The following C12orf42 variants were observed in gnomAD, a reference collection of about 807,000 sequenced individuals.
The protein encoded by C12orf42 is uncharacterized protein C12orf42.
Under a neutral mutation model 21.6 loss-of-function variants are expected in C12orf42, and 25 were observed. That is an observed-to-expected ratio of 1.16 (90% CI 0.84 to 1.62). The LOEUF (loss-of-function observed/expected upper bound fraction) is 1.62, where lower values mean the gene tolerates loss of function less well. Ranked by LOEUF, C12orf42 falls within the 40% of genes most tolerant of loss-of-function variation. C12orf42 has a pLI of 0.00. For synonymous variants in C12orf42, 174 were observed against 175.0 expected, an observed-to-expected ratio of 0.99 and a Z score of 0.05; for missense variants, 483 against 459.3, an observed-to-expected ratio of 1.05 and a Z score of -0.47.
At chr12:103,364,265 C>T (rs935931550) in intron 4 of C12orf42, among the ~76,000 whole-genome samples, 5 of 151,834 alleles carry the variant, frequency 3.3e-5, no homozygotes, top group Non-Finnish European at 5.9e-5. Flanking sequence ...ACAACGAAAT[C>T]GATAGAAATT....
downstream of C12orf42, among the ~76,000 whole-genome samples, chr12:103,264,762 T>C (rs7305590): frequency 0.29 from 44,808 of 151,962 alleles, 6,828 homozygotes; most frequent in East Asian, 0.52. Context: ...TATTTATAAC[T>C]CCAAAAGTAA....
chr12:103,436,230 C>T (rs1290178178), intron 2 of C12orf42, among the ~76,000 whole-genome samples: 1 of 149,522 alleles, frequency 6.7e-6, no homozygotes, highest in Non-Finnish European at 1.5e-5. Context: ...CAGGCCTGCC[C>T]TAAAAGAGCT....
At chr12:103,332,877 T>A (rs2041364549) in intron 4 of C12orf42, among the ~76,000 whole-genome samples, 1 of 152,342 alleles carries the variant, frequency 6.6e-6, no homozygotes, top group South Asian at 2.1e-4. Context: ...AAAAGTTTGC[T>A]GACCCTGGAT....
chr12:103,557,554 G>A, the C12orf42 span: 1 of 152,116 alleles, frequency 6.6e-6, no homozygotes, highest in Non-Finnish European at 1.5e-5. Context: ...AGGAACAAAA[G>A]CCCCCAGGAG....
chr12:103,264,536 C>T (rs1481125549), downstream of C12orf42, among the ~76,000 whole-genome samples: 1 of 152,132 alleles, frequency 6.6e-6, no homozygotes, highest in Non-Finnish European at 1.5e-5. Context: ...TATTTATTTG[C>T]TAGCTTATTA....
chr12:103,545,998 T>C, the C12orf42 span, among the ~76,000 whole-genome samples: 1 of 152,234 alleles, frequency 6.6e-6, no homozygotes, highest in Non-Finnish European at 1.5e-5. Context: ...GCACTTTCTA[T>C]ATTTCAGATA....
the C12orf42 span, among the ~76,000 whole-genome samples, chr12:103,063,733 G>T: frequency 1.3e-5 from 2 of 152,138 alleles, no homozygotes; most frequent in African/African-American, 2.4e-5. Flanking sequence ...CAGGCCCCTA[G>T]TGGTGAGGTT....
At chr12:103,311,475 T>G (rs995819898) in intron 4 of C12orf42, among the ~76,000 whole-genome samples, 8 of 152,114 alleles carry the variant, frequency 5.3e-5, no homozygotes, top group Non-Finnish European at 1.2e-4. Flanking sequence ...TTGGGTTACC[T>G]CTATGATACA....
At chr12:103,181,279 T>C in the C12orf42 span, among the ~76,000 whole-genome samples, 6,204 of 150,380 alleles carry the variant, frequency 0.041, 289 homozygotes, top group East Asian at 0.25. Context: ...AATAAATAAG[T>C]AAAAATTAAA....
chr12:103,329,213 G>A (rs1566089676), intron 4 of C12orf42, among the ~76,000 whole-genome samples: 1 of 152,218 alleles, frequency 6.6e-6, no homozygotes, highest in Non-Finnish European at 1.5e-5. Flanking sequence ...CAGGGACACA[G>A]AGAAGGCTCT....
chr12:103,254,830 A>G (rs1338972776), intron 10 of C12orf42, among the ~76,000 whole-genome samples: 1 of 152,102 alleles, frequency 6.6e-6, no homozygotes, highest in East Asian at 1.9e-4. Flanking sequence ...TACCTAGGTG[A>G]TGGTTTGATA....
chr12:103,195,916 T>A, the C12orf42 span, among the ~76,000 whole-genome samples: 10 of 152,276 alleles, frequency 6.6e-5, no homozygotes, highest in African/African-American at 2.2e-4. Context: ...TTCATAGTTT[T>A]AGGTTTTATA....
At chr12:103,309,725 A>G (rs1333231803) in intron 4 of C12orf42, among the ~76,000 whole-genome samples, 1 of 152,234 alleles carries the variant, frequency 6.6e-6, no homozygotes, top group African/African-American at 2.4e-5. Context: ...CTTGATTTCT[A>G]CCAGGTAGAA....
intron 4 of C12orf42, among the ~76,000 whole-genome samples, chr12:103,355,135 C>T (rs368134109): frequency 6.6e-6 from 1 of 152,108 alleles, no homozygotes; most frequent in East Asian, 1.9e-4. Flanking sequence ...TAGAGTATTC[C>T]CCCTTTGAGA....
At chr12:103,356,353 G>C (rs2043553936) in intron 4 of C12orf42, among the ~76,000 whole-genome samples, 2 of 152,090 alleles carry the variant, frequency 1.3e-5, no homozygotes, top group South Asian at 4.1e-4. Flanking sequence ...AGGTGTATTA[G>C]GCAAAATGGT....
At chr12:103,559,625 T>C in the C12orf42 span, 1 of 152,124 alleles carries the variant, frequency 6.6e-6, no homozygotes, top group Non-Finnish European at 1.5e-5. Flanking sequence ...ACATGAGAAG[T>C]GTAACAAAAG....
At chr12:103,547,333 GA>G in the C12orf42 span, among the ~76,000 whole-genome samples, 4 of 152,232 alleles carry the variant, frequency 2.6e-5, no homozygotes, top group Non-Finnish European at 5.9e-5. Flanking sequence ...CTCAGATACA[GA>G]ACATTTCCAT....
intron 2 of C12orf42, among the ~76,000 whole-genome samples, chr12:103,464,161 C>A (rs1952937143): frequency 1.3e-5 from 2 of 152,186 alleles, no homozygotes; most frequent in South Asian, 4.1e-4. Context: ...CTGTCTTCCA[C>A]AATGGTTGAA....
chr12:103,053,995 C>A, the C12orf42 span, among the ~76,000 whole-genome samples: 1 of 151,766 alleles, frequency 6.6e-6, no homozygotes, highest in East Asian at 1.9e-4. Flanking sequence ...ATTACTGCAC[C>A]TATGTAATGC....
Sources: gnomAD v4.1 joint callset for allele counts (sites outside exome capture counted in the v4.1 genomes callset) on GRCh38, gnomAD v4.1.1 for gene constraint, MANE v1.5 for transcripts, NCBI Gene and HGNC (gene_info 2026-07-23, HGNC 2026-07-21) for gene names.